The following TMC4 variants were observed in gnomAD, a reference collection of about 807,000 sequenced individuals.
The protein encoded by TMC4 is transmembrane channel like 4.
A neutral mutation model predicts 82.0 loss-of-function variants in TMC4; 70 were observed. The observed-to-expected ratio is 0.85, with a 90% CI of 0.70 to 1.04. The LOEUF (loss-of-function observed/expected upper bound fraction) is 1.04, where lower values mean the gene tolerates loss of function less well. Among genes scored for constraint, TMC4 ranks in the 50% least tolerant of loss-of-function variants. TMC4 has a pLI of 0.00. For synonymous variants in TMC4, 446 were observed against 406.0 expected (o/e 1.10, Z -1.18); for missense variants, 879 against 899.0 (o/e 0.98, Z 0.28).
At chr19:54,163,598 CAG>C (rs757782576) in intron 8 of TMC4, 124 bp downstream of exon 8, 764 of 1,226,126 alleles carry the variant, frequency 6.2e-4, no homozygotes, top group Non-Finnish European at 8.5e-4. Flanking sequence ...ACCTGGCCAA[CAG>C]AGTCAGGATT....
rs373629725 is a variant in TMC4 at position 54,160,447 on chromosome 19, C to T, written c.2052+20G>A. 14 of 1,612,362 alleles carry T rather than the reference C, an allele frequency of 8.7e-6. No individual in the cohort carries two copies. Among genetic ancestry groups the T allele is most frequent in the Non-Finnish European group, 1.1e-5 (13 of 1,178,778 alleles). On this transcript the variant is annotated intron_variant, in intron 14 of 14. Transcript: ENST00000619895. ...TTTCCATGTTCCCCAGGGGCCCTCTCAGGGACCCGCCTGGCTCACCGTCTC... is the reference window on the plus strand; with the variant it reads ...TTTCCATGTTCCCCAGGGGCCCTCTTAGGGACCCGCCTGGCTCACCGTCTC...
In TMC4 at chr19:54,171,843, G is replaced by A. The variant is rs371181168; in HGVS notation, c.293+27C>T. The A allele has an allele frequency of 2.3e-5, 36 of 1,567,386 alleles. No homozygotes were observed. In the African/African-American group the frequency reaches 3.9e-4, roughly 17 times the overall value. On this transcript the variant is annotated intron_variant, in intron 2 of 14. Coordinates refer to ENST00000619895, the MANE Select transcript of TMC4 (RefSeq NM_144686.4). Reference sequence around the variant, plus strand: ...GAGAAGGGCCCGGTCCGGGCTGTGCGGGTCCCAGCTGGAGGTGGGGCCTCA... The same window carrying A: ...GAGAAGGGCCCGGTCCGGGCTGTGCAGGTCCCAGCTGGAGGTGGGGCCTCA...
chr19:54,163,649 T>C, intron 8 of TMC4, 75 bp downstream of exon 8: 1 of 1,550,978 alleles, frequency 6.4e-7, no homozygotes, highest in Non-Finnish European at 8.9e-7. Context: ...TTTCCGTGTC[T>C]TACCTGTCAG....
chr19:54,170,664 G>A (rs957668269), intron 2 of TMC4, among the ~76,000 whole-genome samples: 1 of 151,768 alleles, frequency 6.6e-6, no homozygotes, highest in South Asian at 2.1e-4. Flanking sequence ...CAAATGTCTC[G>A]TTTTGTTGTC....
At chr19:54,165,662 A>G (rs1234146689) in intron 5 of TMC4, 96 bp from the exon 6 acceptor site, 3 of 1,415,582 alleles carry the variant, frequency 2.1e-6, no homozygotes, top group Non-Finnish European at 2.8e-6. Context: ...GGGAAGATGA[A>G]CCCTAAGGCC....
chr19:54,166,771 T>C (rs1300061747), intron 5 of TMC4, among the ~76,000 whole-genome samples: 1 of 151,840 alleles, frequency 6.6e-6, no homozygotes, highest in Non-Finnish European at 1.5e-5. Context: ...CTGACAAACA[T>C]GGTGAAACCC....
chr19:54,171,366 C>A (rs2075884219), intron 2 of TMC4, among the ~76,000 whole-genome samples: 1 of 152,172 alleles, frequency 6.6e-6, no homozygotes, highest in Non-Finnish European at 1.5e-5. Context: ...GCCTGGGCCT[C>A]CCAAAGTGCT....
chr19:54,168,701 A>AG lies in TMC4; in HGVS notation c.443-22dup, dbSNP rs553334041. 843 of 1,460,590 alleles carry AG rather than the reference A, an allele frequency of 5.8e-4. 8 individuals are homozygous for AG. In the African/African-American group the frequency reaches 8.7e-3, roughly 15 times the overall value. 90.5% of individuals were successfully genotyped at this position (1,460,590 alleles called of 1,614,324 possible). A position where few individuals can be genotyped will look rare whatever the true frequency, so the allele number is the denominator to read the frequency against. On this transcript the variant is annotated intron_variant, in intron 3 of 14. Coordinates refer to ENST00000619895, the MANE Select transcript of TMC4 (RefSeq NM_144686.4). Reference sequence around the variant, plus strand: ...CTGGCCTGCAGGGGGCAGCAGAGAGAGGCTCAGGTTCCTTCCCGGGAGCAG... The same window carrying AG: ...CTGGCCTGCAGGGGGCAGCAGAGAGAGGGCTCAGGTTCCTTCCCGGGAGCAG...
In TMC4 at chr19:54,160,307, C is replaced by T. The variant is rs3170255; in HGVS notation, c.2120G>A (p.Ter707=). 0.016 allele frequency: 24,016 copies of T among 1,516,220 alleles called. 240 individuals are homozygous for T. The highest frequency in any genetic ancestry group is 0.049 in the Middle Eastern group (211 of 4,330). The allele number at this position is 1,516,220 out of a possible 1,614,324, so 93.9% of individuals were successfully genotyped here. ...AAAGCGGGACGTGGGCTGCGGGGGT[C>T]AAAGAGCCGGTTTGGTGGAGGTCAG... The part of the protein sequence containing the change: ...VALTSTKPAL[*] The change falls in exon 15 of 15, where the codon TGA becomes TAA. Residue 707 remains the stop codon, a stop_retained_variant. Coordinates refer to ENST00000619895, the MANE Select transcript of TMC4 (RefSeq NM_144686.4).
chr19:54,163,977 C>CTTT (rs66823569), intron 7 of TMC4, 90 bp from the exon 8 acceptor site: 56,269 of 1,006,824 alleles, frequency 0.056, 569 homozygotes, highest in East Asian at 0.087. Context: ...TCTTCTTCTT[C>CTTT]TTTTTTTTTT....
chr19:54,173,068 T>C lies in TMC4; in HGVS notation c.50A>G (p.Glu17Gly), dbSNP rs641738. 927,207 of 1,613,078 alleles carry C rather than the reference T, an allele frequency of 0.57. 269,055 individuals carry two copies. Among genetic ancestry groups the C allele is most frequent in the East Asian group, 0.77 (34,626 of 44,740 alleles). ...LESEAWGSSREWLAPREARGG... is the reference protein window; with the variant it reads ...LESEAWGSSRGWLAPREARGG... The stretch of plus-strand genomic sequence containing the variant: ...TCTGGCCTCCCGGGGGGCCAGCCAC[T>C]CCCTAGAGGAGCCCCAGGCTTCTGA... Residue 17 changes from glutamate to glycine, a missense_variant, in exon 1 of 15, where the codon GAG (glutamate) becomes GGG (glycine). By Grantham distance (98) the Glu-to-Gly change is moderately conservative. Transcript: ENST00000619895.
intron 13 of TMC4, 92 bp from the exon 14 acceptor site, chr19:54,160,637 A>G: frequency 6.3e-7 from 1 of 1,581,518 alleles, no homozygotes; most frequent in South Asian, 1.1e-5. Context: ...GTGGACGCCT[A>G]AGCCCCTCCT....
At chr19:54,163,203 C>T (rs2075611697) in intron 8 of TMC4, 44 bp from the exon 9 acceptor site, 1 of 1,610,308 alleles carries the variant, frequency 6.2e-7, no homozygotes, top group Admixed American at 1.7e-5. Context: ...CCGGTACCCA[C>T]CATGTGGCAG....
chr19:54,165,065 AC>A (rs1568732261), intron 6 of TMC4, among the ~76,000 whole-genome samples: 4 of 146,306 alleles, frequency 2.7e-5, no homozygotes, highest in African/African-American at 1.0e-4. Context: ...TTAAAAAAAA[AC>A]AAACTTTTTT....
chr19:54,168,016 T>C (rs2075746147), intron 5 of TMC4, among the ~76,000 whole-genome samples, 155 bp downstream of exon 5: 1 of 150,432 alleles, frequency 6.6e-6, no homozygotes, highest in Non-Finnish European at 1.5e-5. Flanking sequence ...TGAGCCGAGA[T>C]TGCGCCACTA....
chr19:54,172,979 G>T, intron 1 of TMC4, 60 bp downstream of exon 1: 1 of 1,483,162 alleles, frequency 6.7e-7, no homozygotes, highest in Non-Finnish European at 9.2e-7. Flanking sequence ...TCCTCCTCCA[G>T]CAGGACTCCC....
intron 7 of TMC4, 55 bp downstream of exon 7, chr19:54,164,379 G>A: frequency 3.2e-6 from 5 of 1,548,674 alleles, no homozygotes; most frequent in Non-Finnish European, 4.4e-6. Flanking sequence ...TCCCTCCACC[G>A]TTGGAAATGT....
At chr19:54,164,820 C>G (rs984522301) in intron 6 of TMC4, 2 of 619,138 alleles carry the variant, frequency 3.2e-6, no homozygotes, top group African/African-American at 1.9e-5. Flanking sequence ...ACCCAAGCCC[C>G]CATCCCTCCG....
rs773268337 is a variant in TMC4 at position 54,163,707 on chromosome 19, C to T, written c.1277+17G>A. 7 of 1,613,612 alleles carry T rather than the reference C, an allele frequency of 4.3e-6. No homozygotes were observed. Among genetic ancestry groups the T allele is most frequent in the Non-Finnish European group, 5.9e-6 (7 of 1,179,740 alleles). ...CCCACCCTTCATCATTCCCAGCCAT[C>T]CCCGTGAGGCTGGAACCTGAGCAGG... On this transcript the variant is annotated intron_variant, in intron 8 of 14. Coordinates refer to ENST00000619895, the MANE Select transcript of TMC4 (RefSeq NM_144686.4).
Sources: allele counts gnomAD v4.1 joint callset (sites outside exome capture counted in the v4.1 genomes callset), GRCh38; gene constraint gnomAD v4.1.1; transcripts MANE v1.5; gene names NCBI Gene and HGNC (gene_info 2026-07-23, HGNC 2026-07-21).